The following EPS8 variants were observed in gnomAD, a reference collection of about 807,000 sequenced individuals.
EPS8 encodes epidermal growth factor receptor kinase substrate 8.
EPS8 carries 42 observed loss-of-function variants against 103.8 expected under a neutral mutation model. The ratio of observed to expected loss-of-function variants is 0.40; its 90% CI spans 0.32 to 0.52. The LOEUF (loss-of-function observed/expected upper bound fraction) is 0.52. Among genes scored for constraint, EPS8 ranks in the 20% least tolerant of loss-of-function variants. The probability of loss-of-function intolerance (pLI) is 0.40; values close to 1 mark genes in which losing one functional copy is unlikely to be tolerated. For synonymous variants in EPS8, 344 were observed against 344.6 expected (o/e 1.00, Z 0.02); for missense variants, 969 against 1,005.1 (o/e 0.96, Z 0.49).
Position 15,762,177 on chromosome 12 carries a change from G to A in EPS8, c.-22+26984C>T, listed in dbSNP as rs941456425. On this transcript the variant is annotated intron_variant, in intron 1 of 20. Transcript: ENST00000281172. This position sits in a 1 kb window ranked among gnomAD's most constrained non-coding sequence, Gnocchi z 4.8. ...ACATACAAATGGCAAACAGGCATAC[G>A]AAAAGGTGCTCAACATCACTGATCA... 1.3e-5 allele frequency among the ~76,000 whole-genome samples: 2 copies of A among 152,140 alleles called. No homozygotes were observed. The highest frequency in any genetic ancestry group is 2.1e-4 in the South Asian group (1 of 4,820).
At chr12:15,746,157 A>G (rs990117614) in intron 1 of EPS8, among the ~76,000 whole-genome samples, 2 of 152,198 alleles carry the variant, frequency 1.3e-5, no homozygotes, top group African/African-American at 4.8e-5. Flanking sequence ...TTTTCCTTGA[A>G]GCAGGAGTCA....
Position 15,769,013 on chromosome 12 carries a change from C to T in EPS8, c.-22+20148G>A, listed in dbSNP as rs375087416. Among the ~76,000 whole-genome samples, 3 of 152,104 alleles carry T rather than the reference C, an allele frequency of 2.0e-5. No homozygotes were observed. Among genetic ancestry groups the T allele is most frequent in the Non-Finnish European group, 2.9e-5 (2 of 68,016 alleles). ...GCACAAATACACTTATTCATAATTGCGCTGGCAAACAGTTCTTATCAGATA... is the reference window on the plus strand; with the variant it reads ...GCACAAATACACTTATTCATAATTGTGCTGGCAAACAGTTCTTATCAGATA... On this transcript the variant is annotated intron_variant, in intron 1 of 20. Transcript: ENST00000281172. The surrounding 1 kb of genome is among the most constrained non-coding windows in gnomAD (Gnocchi z 4.6).
At chr12:15,682,997 TA>T in intron 1 of EPS8, 25 bp from the exon 2 acceptor site, 1 of 1,300,606 alleles carries the variant, frequency 7.7e-7, no homozygotes, top group Non-Finnish European at 1.1e-6. Flanking sequence ...ACACATAGAT[TA>T]AAGGCAATAA....
At position 15,778,036 on chromosome 12, in the gene EPS8, T is replaced by G. The variant is rs889984946; in HGVS notation, c.-22+11125A>C. Among the ~76,000 whole-genome samples, 14 of 152,350 alleles carry G rather than the reference T, an allele frequency of 9.2e-5. No homozygotes were observed. Among genetic ancestry groups the G allele is most frequent in the African/African-American group, 3.4e-4 (14 of 41,592 alleles). On this transcript the variant is annotated intron_variant, in intron 1 of 20. Transcript: ENST00000281172. This position sits in a 1 kb window ranked among gnomAD's most constrained non-coding sequence, Gnocchi z 4.5. ...CTTTAAACAATTTATTCTGTAATTC[T>G]GCAAACATAGCAAACATACAAATAT...
chr12:15,690,358 A>G lies in EPS8; in HGVS notation c.-21-7386T>C, dbSNP rs1189098064. ...AACCACATGGGACTCTTTAAAAAGCATAAGAATTCTATTTTTTTAAAGGTT... is the reference window on the plus strand; with the variant it reads ...AACCACATGGGACTCTTTAAAAAGCGTAAGAATTCTATTTTTTTAAAGGTT... On this transcript the variant is annotated intron_variant, in intron 1 of 20. Transcript: ENST00000281172. The surrounding 1 kb of genome is among the most constrained non-coding windows in gnomAD (Gnocchi z 4.7). 6.6e-6 allele frequency among the ~76,000 whole-genome samples: 1 copy of G among 152,212 alleles called. No individual in the cohort carries two copies. Among genetic ancestry groups the G allele is most frequent in the Non-Finnish European group, 1.5e-5 (1 of 68,024 alleles).
intron 13 of EPS8, among the ~76,000 whole-genome samples, chr12:15,652,428 G>A (rs1945431361): frequency 6.6e-6 from 1 of 152,056 alleles, no homozygotes; most frequent in Non-Finnish European, 1.5e-5. Flanking sequence ...TTTCAAAATA[G>A]CTAGAAGAGA....
chr12:15,647,619 A>G (rs1476852151), intron 14 of EPS8, among the ~76,000 whole-genome samples: 1 of 152,224 alleles, frequency 6.6e-6, no homozygotes, highest in African/African-American at 2.4e-5. Context: ...TATTTTCAAT[A>G]TTTTTAAAAT....
At chr12:15,658,654 A>C in intron 10 of EPS8, 69 bp from the exon 11 acceptor site, 3 of 1,024,438 alleles carry the variant, frequency 2.9e-6, no homozygotes, top group Non-Finnish European at 4.6e-6. Flanking sequence ...GAAAAACAAA[A>C]ACCACATTTA....
At position 15,761,004 on chromosome 12, in the gene EPS8, T is replaced by G. The variant is rs1430922303; in HGVS notation, c.-22+28157A>C. On this transcript the variant is annotated intron_variant, in intron 1 of 20. Transcript: ENST00000281172. The surrounding 1 kb of genome is among the most constrained non-coding windows in gnomAD (Gnocchi z 4.5). ...CAAATTGGAAAAGAAAAACCCAAAT[T>G]ATCCTTGTCTGCAGATGATATGATC... Among the ~76,000 whole-genome samples, 1 of 152,018 alleles carries G rather than the reference T, an allele frequency of 6.6e-6. No homozygotes were observed. The highest frequency in any genetic ancestry group is 1.5e-5 in the Non-Finnish European group (1 of 67,968).
chr12:15,760,314 A>C lies in EPS8; in HGVS notation c.-22+28847T>G, dbSNP rs1200755602. On this transcript the variant is annotated intron_variant, in intron 1 of 20. Transcript: ENST00000281172. This position sits in a 1 kb window ranked among gnomAD's most constrained non-coding sequence, Gnocchi z 4.5. ...AATAAAATTGAAGGTGTAATAAAAA[A>C]TCTCCCAGTAAAATAAAAGCCCAAG... Among the ~76,000 whole-genome samples, 4 of 151,950 alleles carry C rather than the reference A, an allele frequency of 2.6e-5. No individual in the cohort carries two copies. The highest frequency in any genetic ancestry group is 5.9e-5 in the Non-Finnish European group (4 of 67,882).
chr12:15,719,392 C>A (rs932905398), intron 1 of EPS8, among the ~76,000 whole-genome samples: 8 of 152,044 alleles, frequency 5.3e-5, no homozygotes, highest in African/African-American at 1.9e-4. Flanking sequence ...AAAAGTAAAA[C>A]CTGCAATTAA....
In EPS8 at chr12:15,746,768, A is replaced by C. The variant is rs113585797; in HGVS notation, c.-22+42393T>G. 2.8e-3 allele frequency among the ~76,000 whole-genome samples: 433 copies of C among 152,240 alleles called. 7 individuals carry two copies. The East Asian group carries it at 0.031, about 11-fold the overall frequency. On this transcript the variant is annotated intron_variant, in intron 1 of 20. Transcript: ENST00000281172. ...GAGCTCTGGAATCCCTTCTATTGAAAAACAACAAATCTCTTATCCTGGAAT... is the reference window on the plus strand; with the variant it reads ...GAGCTCTGGAATCCCTTCTATTGAACAACAACAAATCTCTTATCCTGGAAT...
At chr12:15,624,171 T>C in intron 19 of EPS8, 56 bp downstream of exon 19, 5 of 1,418,752 alleles carry the variant, frequency 3.5e-6, no homozygotes, top group Non-Finnish European at 5.0e-6. Flanking sequence ...CTAAGCAAAT[T>C]GAAAACAATG....
rs112237284 is a variant in EPS8 at position 15,696,651 on chromosome 12, C to A, written c.-21-13679G>T. On this transcript the variant is annotated intron_variant, in intron 1 of 20. Coordinates refer to ENST00000281172, the MANE Select transcript of EPS8 (RefSeq NM_004447.6). This position sits in a 1 kb window ranked among gnomAD's most constrained non-coding sequence, Gnocchi z 4.8. Reference sequence around the variant, plus strand: ...CGAGACTCTGTCTCAAATAAAAAAACAAAAACATGGACTTGATGAATCAGA... The same window carrying A: ...CGAGACTCTGTCTCAAATAAAAAAAAAAAAACATGGACTTGATGAATCAGA... Among the ~76,000 whole-genome samples, 12 of 151,976 alleles carry A rather than the reference C, an allele frequency of 7.9e-5. No homozygotes were observed. The highest frequency in any genetic ancestry group is 2.9e-4 in the African/African-American group (12 of 41,462).
At chr12:15,786,621 T>C (rs924903553) in intron 1 of EPS8, among the ~76,000 whole-genome samples, 1 of 152,116 alleles carries the variant, frequency 6.6e-6, no homozygotes. Context: ...ATAGACACCG[T>C]ATTTGTAGCT....
chr12:15,625,277 G>T (rs1222711830), intron 18 of EPS8, among the ~76,000 whole-genome samples: 1 of 152,048 alleles, frequency 6.6e-6, no homozygotes, highest in Non-Finnish European at 1.5e-5. Flanking sequence ...TAGGCCTCAA[G>T]TTCTCTGCCT....
At chr12:15,741,522 TC>T (rs894875722) in intron 1 of EPS8, among the ~76,000 whole-genome samples, 2 of 152,200 alleles carry the variant, frequency 1.3e-5, no homozygotes, top group African/African-American at 2.4e-5. Context: ...TTCATTTTGT[TC>T]TTGGCCCTGC....
At chr12:15,626,035 T>A (rs985315904) in intron 18 of EPS8, among the ~76,000 whole-genome samples, 1 of 152,204 alleles carries the variant, frequency 6.6e-6, no homozygotes, top group Non-Finnish European at 1.5e-5. Flanking sequence ...AAGCTTGCTT[T>A]TATGAACTCT....
chr12:15,660,683 C>T lies in EPS8; in HGVS notation c.868G>A (p.Ala290Thr), dbSNP rs752314125. 7 of 1,612,000 alleles carry T rather than the reference C, an allele frequency of 4.3e-6. No homozygotes were observed. In the African/African-American group the frequency reaches 9.4e-5, roughly 22 times the overall value. ...IEFFITKLQK[A>T]AEAFSELSKR... ...GAAAGCTCAGAAAATGCTTCTGCTG[C>T]TTTTTGGAGTTTTGTGATAAAAAAT... Residue 290 changes from alanine (A) to threonine (T), a missense_variant, in exon 10 of 21, where the codon GCA becomes ACA. By Grantham distance (58) the Ala-to-Thr change is moderately conservative. Coordinates refer to ENST00000281172, the MANE Select transcript of EPS8 (RefSeq NM_004447.6).
Sources: gnomAD v4.1 joint callset for allele counts (sites outside exome capture counted in the v4.1 genomes callset) on GRCh38, gnomAD v4.1.1 for gene constraint, Gnocchi (gnomAD v3.1) non-coding constraint, MANE v1.5 for transcripts, NCBI Gene and HGNC (gene_info 2026-07-23, HGNC 2026-07-21) for gene names.